CNTNAP5: variants seen among roughly 807,000 people sequenced by gnomAD.
The protein encoded by CNTNAP5 is contactin associated protein family member 5, also known as contactin-associated protein-like 5.
Under a neutral mutation model 150.2 loss-of-function variants are expected in CNTNAP5, and 72 were observed. The observed-to-expected ratio is 0.48, with a 90% CI of 0.40 to 0.58. CNTNAP5 has a LOEUF of 0.58. CNTNAP5 is among the 20% of genes least tolerant of loss of function. The pLI, the probability that CNTNAP5 is intolerant of heterozygous loss-of-function variation, is 0.00. For synonymous variants in CNTNAP5, 672 were observed against 619.8 expected (o/e 1.08, Z -1.25); for missense variants, 1,636 against 1,626.2 (o/e 1.01, Z -0.10).
intron 3 of CNTNAP5, among the ~76,000 whole-genome samples, chr2:124,281,302 C>A (rs976541597): frequency 6.6e-6 from 1 of 152,040 alleles, no homozygotes; most frequent in Admixed American, 6.6e-5. Context: ...AAGAAGTCTA[C>A]GAAAATAAAC....
intron 19 of CNTNAP5, among the ~76,000 whole-genome samples, chr2:124,844,125 A>G (rs960742814): frequency 2.0e-5 from 3 of 152,084 alleles, no homozygotes; most frequent in Non-Finnish European, 4.4e-5. Flanking sequence ...GTTATCTTCT[A>G]GAATCTTTAT....
At chr2:124,390,366 T>C (rs1691079077) in intron 3 of CNTNAP5, among the ~76,000 whole-genome samples, 1 of 152,232 alleles carries the variant, frequency 6.6e-6, no homozygotes. Context: ...TCTTCCATGA[T>C]ACAGAAAGGG....
chr2:124,353,265 A>C (rs1447197265), intron 3 of CNTNAP5, among the ~76,000 whole-genome samples: 1 of 140,390 alleles, frequency 7.1e-6, no homozygotes, highest in Admixed American at 7.5e-5. Context: ...CAAATTTCTC[A>C]CTAAAACAAC....
chr2:124,479,243 A>G (rs1174778458), intron 7 of CNTNAP5, among the ~76,000 whole-genome samples: 1 of 152,216 alleles, frequency 6.6e-6, no homozygotes, highest in African/African-American at 2.4e-5. Context: ...TTATATATGT[A>G]GTATAAGAAA....
At chr2:124,352,354 G>A (rs1181246113) in intron 3 of CNTNAP5, among the ~76,000 whole-genome samples, 1 of 152,106 alleles carries the variant, frequency 6.6e-6, no homozygotes, top group African/African-American at 2.4e-5. Context: ...CCGTTTTATA[G>A]GTGAATATTA....
chr2:124,786,394 A>AGAAAGAAG (rs1222651094), intron 17 of CNTNAP5, among the ~76,000 whole-genome samples: 2 of 62,102 alleles, frequency 3.2e-5, no homozygotes, highest in African/African-American at 1.4e-4. Context: ...AAAGAAAGAA[A>AGAAAGAAG]GAAAGAAGGA....
At chr2:124,085,836 A>G (rs1682674864) in intron 1 of CNTNAP5, among the ~76,000 whole-genome samples, 1 of 152,102 alleles carries the variant, frequency 6.6e-6, no homozygotes, top group African/African-American at 2.4e-5. Flanking sequence ...AGAATCTGTG[A>G]TATTCTATTT....
chr2:124,542,072 C>T (rs528672690), intron 10 of CNTNAP5, among the ~76,000 whole-genome samples: 6 of 151,958 alleles, frequency 3.9e-5, no homozygotes, highest in African/African-American at 1.4e-4. Context: ...CAAATGCATA[C>T]GTTATTGCAA....
intron 17 of CNTNAP5, among the ~76,000 whole-genome samples, chr2:124,781,714 G>A (rs372170858): frequency 5.9e-5 from 9 of 152,242 alleles, no homozygotes; most frequent in African/African-American, 1.7e-4. Context: ...TTTGGACTCG[G>A]GTTCGTCTTA....
chr2:124,419,124 G>A (rs1692007498), intron 4 of CNTNAP5, among the ~76,000 whole-genome samples: 1 of 39,140 alleles, frequency 2.6e-5, no homozygotes, highest in Non-Finnish European at 6.7e-5. Context: ...CTGGGCGACA[G>A]AGCGAGACTC....
At chr2:124,108,397 C>G (rs895191728) in intron 1 of CNTNAP5, among the ~76,000 whole-genome samples, 23 of 152,124 alleles carry the variant, frequency 1.5e-4, no homozygotes, top group Non-Finnish European at 2.9e-4. Context: ...GCTTACCCTT[C>G]TACTACTTCA....
At chr2:124,320,794 C>G (rs1221400242) in intron 3 of CNTNAP5, among the ~76,000 whole-genome samples, 2 of 151,858 alleles carry the variant, frequency 1.3e-5, no homozygotes, top group Non-Finnish European at 2.9e-5. Context: ...GTGTGTTGAG[C>G]CTGTGTGTGT....
chr2:124,611,041 T>TCAAGCACTG, intron 12 of CNTNAP5, among the ~76,000 whole-genome samples: 1 of 148,450 alleles, frequency 6.7e-6, no homozygotes, highest in Non-Finnish European at 1.5e-5. Flanking sequence ...TTTGTTTGTT[T>TCAAGCACTG]GTTTCAAGCA....
intron 13 of CNTNAP5, among the ~76,000 whole-genome samples, chr2:124,708,559 G>A (rs762591277): frequency 3.9e-5 from 6 of 152,150 alleles, no homozygotes; most frequent in Non-Finnish European, 7.4e-5. Context: ...GGAGGTACAA[G>A]GAAAACACTG....
intron 12 of CNTNAP5, among the ~76,000 whole-genome samples, chr2:124,632,396 C>G (rs566657333): frequency 2.6e-5 from 4 of 152,240 alleles, no homozygotes; most frequent in African/African-American, 9.6e-5. Flanking sequence ...AGATCATGTC[C>G]TTTGCAGGGA....
intron 1 of CNTNAP5, among the ~76,000 whole-genome samples, chr2:124,066,204 A>G (rs1489094562): frequency 6.6e-6 from 1 of 152,168 alleles, no homozygotes; most frequent in Non-Finnish European, 1.5e-5. Flanking sequence ...TTCTTTCCCC[A>G]CATCTTGAAA....
At chr2:124,551,480 G>A (rs2047876) in intron 10 of CNTNAP5, among the ~76,000 whole-genome samples, 64,824 of 151,930 alleles carry the variant, frequency 0.43, 14,266 homozygotes, top group East Asian at 0.62. Context: ...AGATCAATGC[G>A]GTTGGCTGCT....
At chr2:124,779,384 C>T (rs1473018795) in intron 17 of CNTNAP5, among the ~76,000 whole-genome samples, 5 of 152,270 alleles carry the variant, frequency 3.3e-5, no homozygotes, top group African/African-American at 1.2e-4. Context: ...TTCTTCTGTC[C>T]AACCATAAGT....
chr2:124,301,711 C>T lies in CNTNAP5; in HGVS notation c.381+59318C>T, dbSNP rs1432135159. 3.3e-5 allele frequency among the ~76,000 whole-genome samples: 5 copies of T among 152,284 alleles called. No individual in the cohort carries two copies. In the East Asian group the frequency reaches 9.7e-4, roughly 29 times the overall value. ...GCACTGTATCAGGCCTATGATGATA[C>T]TCCTGATGCAACAGCAACTGTTGCC... On this transcript the variant is annotated intron_variant, in intron 3 of 23. Coordinates refer to ENST00000682447, the MANE Select transcript of CNTNAP5 (RefSeq NM_001367498.1).
Sources: gnomAD v4.1 joint callset for allele counts (sites outside exome capture counted in the v4.1 genomes callset) on GRCh38, gnomAD v4.1.1 for gene constraint, MANE v1.5 for transcripts, NCBI Gene and HGNC (gene_info 2026-07-23, HGNC 2026-07-21) for gene names.